The following RRP1 variants were observed in gnomAD, a reference collection of about 807,000 sequenced individuals.
RRP1 encodes ribosomal RNA processing protein 1 homolog A.
Under a neutral mutation model 54.6 loss-of-function variants are expected in RRP1, and 37 were observed. That is an observed-to-expected ratio of 0.68 (90% CI 0.52 to 0.89). RRP1 has a LOEUF of 0.89. Among genes scored for constraint, RRP1 ranks in the 40% least tolerant of loss-of-function variants. The probability of loss-of-function intolerance (pLI) is 0.00; values close to 1 mark genes in which losing one functional copy is unlikely to be tolerated. For synonymous variants in RRP1, 262 were observed against 244.3 expected, an observed-to-expected ratio of 1.07 and a Z score of -0.67; for missense variants, 639 against 612.5, an observed-to-expected ratio of 1.04 and a Z score of -0.46.
intron 1 of RRP1, chr21:43,790,815 C>T (rs1040705156): frequency 5.8e-6 from 2 of 342,514 alleles, no homozygotes; most frequent in Admixed American, 8.1e-5. Context: ...TCTTGAACTC[C>T]TGGCCTCAAG....
At chr21:43,792,584 T>G in intron 2 of RRP1, 88 bp from the exon 3 acceptor site, 3 of 1,240,858 alleles carry the variant, frequency 2.4e-6, no homozygotes, top group Non-Finnish European at 3.5e-6. Flanking sequence ...AGTGAGTGAG[T>G]GAGTGGGTGA....
chr21:43,790,129 GTTAA>G (rs1443411569), intron 1 of RRP1, among the ~76,000 whole-genome samples: 5 of 152,308 alleles, frequency 3.3e-5, no homozygotes, highest in African/African-American at 1.2e-4. Context: ...TCTGTTTTGC[GTTAA>G]TTATTGGATT....
Position 43,803,942 on chromosome 21 carries a change from A to G in RRP1, c.*168A>G. On this transcript the variant is annotated 3_prime_UTR_variant, in exon 13 of 13. Coordinates refer to ENST00000497547, the MANE Select transcript of RRP1 (RefSeq NM_003683.6). ...GATGGGCCCATCATTAGGGGCCAGCATCCCAGGAACTGGACCTTTCCCCAG... is the reference window on the plus strand; with the variant it reads ...GATGGGCCCATCATTAGGGGCCAGCGTCCCAGGAACTGGACCTTTCCCCAG... The G allele has an allele frequency of 1.2e-6, 1 of 837,360 alleles. No homozygotes were observed. Among genetic ancestry groups the G allele is most frequent in the South Asian group, 2.2e-5 (1 of 44,574 alleles). 51.9% of individuals were successfully genotyped at this position (837,360 alleles called of 1,614,324 possible).
At chr21:43,792,538 G>A in intron 2 of RRP1, 134 bp from the exon 3 acceptor site, 1 of 853,242 alleles carries the variant, frequency 1.2e-6, no homozygotes, top group South Asian at 1.5e-5. Context: ...CCAGTGCACT[G>A]AGCTGAGACC....
rs144437952 is a variant in RRP1 at position 43,792,593 on chromosome 21, G to A, written c.217-79G>A. The A allele has an allele frequency of 5.7e-4, 768 of 1,349,684 alleles. 8 individuals are homozygous for A. In the African/African-American group the frequency reaches 9.6e-3, roughly 17 times the overall value. 83.6% of individuals were successfully genotyped at this position (1,349,684 alleles called of 1,614,324 possible). The stretch of plus-strand genomic sequence containing the variant: ...GTGATGAGTGAGTGAGTGAGTGGGT[G>A]AGTGGGTGGTTGCGTGTGTGTCATT... On this transcript the variant is annotated intron_variant, in intron 2 of 12. Coordinates refer to ENST00000497547, the MANE Select transcript of RRP1 (RefSeq NM_003683.6).
Position 43,802,606 on chromosome 21 carries a change from C to T in RRP1, c.1123+219C>T, listed in dbSNP as rs939724049. 1.1e-5 allele frequency: 6 copies of T among 533,514 alleles called. No homozygotes were observed. In the African/African-American group the frequency reaches 1.1e-4, roughly 10 times the overall value. The allele number at this position is 533,514 out of a possible 1,614,324, so 33.0% of individuals were successfully genotyped here. A position where few individuals can be genotyped will look rare whatever the true frequency, so the allele number is the denominator to read the frequency against. The stretch of plus-strand genomic sequence containing the variant: ...CACCCACCTTCCTTGTCTGCAGCTC[C>T]CCCGAGCTGTGTGCGCTGCCCTCCC... On this transcript the variant is annotated intron_variant, in intron 12 of 12. Coordinates refer to ENST00000497547, the MANE Select transcript of RRP1 (RefSeq NM_003683.6).
At chr21:43,794,530 A>T (rs2084995901) in intron 4 of RRP1, among the ~76,000 whole-genome samples, 1 of 152,174 alleles carries the variant, frequency 6.6e-6, no homozygotes, top group African/African-American at 2.4e-5. Context: ...GTGCTCTGTC[A>T]TCGGGGCTCC....
At chr21:43,800,772 G>T in intron 10 of RRP1, 90 bp from the exon 11 acceptor site, 4 of 1,577,716 alleles carry the variant, frequency 2.5e-6, no homozygotes, top group Non-Finnish European at 3.5e-6. Flanking sequence ...GGGTTCCCCT[G>T]GCTAGGAACC....
chr21:43,793,684 A>G (rs1016678302), intron 4 of RRP1, among the ~76,000 whole-genome samples: 1 of 152,226 alleles, frequency 6.6e-6, no homozygotes, highest in African/African-American at 2.4e-5. Context: ...TCCTGGTGAG[A>G]GTCGATGGTG....
chr21:43,795,345 C>T, intron 5 of RRP1, 95 bp downstream of exon 5: 4 of 1,205,336 alleles, frequency 3.3e-6, no homozygotes, highest in Non-Finnish European at 4.9e-6. Context: ...AGATGTCAGC[C>T]TTTATATTAA....
chr21:43,797,396 G>T (rs780679239), intron 5 of RRP1, 26 bp from the exon 6 acceptor site: 1 of 1,597,420 alleles, frequency 6.3e-7, no homozygotes, highest in African/African-American at 1.3e-5. Context: ...GAGGCTGCCT[G>T]TCATGTTTGC....
rs148151495 is a variant in RRP1 at position 43,796,484 on chromosome 21, T to A, written c.423-938T>A. On this transcript the variant is annotated intron_variant, in intron 5 of 12. Transcript: ENST00000497547. The stretch of plus-strand genomic sequence containing the variant: ...GGAAGACCTCGGTGCCTTCCCCCAA[T>A]GCCTGCTGCGGTCCCAGTGCTGACA... Among the ~76,000 whole-genome samples, 223 of 152,276 alleles carry A rather than the reference T, an allele frequency of 1.5e-3. 1 individual carries two copies. The highest frequency in any genetic ancestry group is 4.9e-3 in the African/African-American group (204 of 41,542).
intron 1 of RRP1, 151 bp from the exon 2 acceptor site, chr21:43,791,199 G>A: frequency 1.3e-6 from 1 of 778,826 alleles, no homozygotes. Flanking sequence ...TAGAAGGATT[G>A]TTTGAAGGGG....
At chr21:43,801,709 C>G (rs1468697218) in intron 11 of RRP1, among the ~76,000 whole-genome samples, 6 of 152,126 alleles carry the variant, frequency 3.9e-5, no homozygotes, top group Non-Finnish European at 8.8e-5. Context: ...TTCGGGACAG[C>G]GCGCGTCAGT....
At chr21:43,792,912 A>C (rs1601866763) in intron 3 of RRP1, 183 bp downstream of exon 3, 11 of 628,298 alleles carry the variant, frequency 1.8e-5, no homozygotes, top group East Asian at 1.6e-4. Context: ...AGTATTCAAC[A>C]TGGATTAGCT....
chr21:43,793,362 G>A lies in RRP1; in HGVS notation c.318G>A (p.Glu106=). 1 of 1,614,076 alleles carries A rather than the reference G, an allele frequency of 6.2e-7. No homozygotes were observed. The highest frequency in any genetic ancestry group is 1.3e-5 in the African/African-American group (1 of 75,074). The change falls in exon 4 of 13, where the codon GAG becomes GAA. Residue 106 remains glutamate (E), a synonymous_variant. Coordinates refer to ENST00000497547, the MANE Select transcript of RRP1 (RefSeq NM_003683.6). The stretch of plus-strand genomic sequence containing the variant: ...CCTTCTGGCAGACCATGAATCGCGA[G>A]TGGACGGGCATTGACAGGCTGCGCC... ...LQAFWQTMNR[E]WTGIDRLRLD... is the part of the protein sequence containing the mutation.
chr21:43,797,326 G>T, intron 5 of RRP1, 96 bp from the exon 6 acceptor site: 1 of 1,504,754 alleles, frequency 6.6e-7, no homozygotes, highest in Non-Finnish European at 8.8e-7. Flanking sequence ...CCGCACTTAG[G>T]TTCCCATCAG....
At chr21:43,794,239 C>T (rs1000510223) in intron 4 of RRP1, among the ~76,000 whole-genome samples, 2 of 152,206 alleles carry the variant, frequency 1.3e-5, no homozygotes, top group East Asian at 1.9e-4. Flanking sequence ...AAGGAGGCTC[C>T]AGGGCAGGCC....
chr21:43,798,180 T>A, intron 8 of RRP1, 80 bp downstream of exon 8: 1 of 1,246,318 alleles, frequency 8.0e-7, no homozygotes, highest in Non-Finnish European at 1.1e-6. Flanking sequence ...GGGTTGCTCC[T>A]GCCACCTCCT....
Sources: allele counts gnomAD v4.1 joint callset (sites outside exome capture counted in the v4.1 genomes callset), GRCh38; gene constraint gnomAD v4.1.1; transcripts MANE v1.5; gene names NCBI Gene and HGNC (gene_info 2026-07-23, HGNC 2026-07-21).